The following IP6K3 variants were observed in gnomAD, a reference collection of about 807,000 sequenced individuals.
IP6K3 encodes the protein inositol hexakisphosphate kinase 3.
A neutral mutation model predicts 28.8 loss-of-function variants in IP6K3; 20 were observed. The ratio of observed to expected loss-of-function variants is 0.70; its 90% CI spans 0.49 to 1.01. The LOEUF is 1.01. IP6K3 is among the 50% of genes least tolerant of loss of function. The probability of loss-of-function intolerance (pLI) is 0.00; values close to 1 mark genes in which losing one functional copy is unlikely to be tolerated. For synonymous variants in IP6K3, 213 were observed against 221.3 expected (o/e 0.96, Z 0.33); for missense variants, 480 against 537.1 (o/e 0.89, Z 1.05).
At chr6:33,724,741 AG>A (rs1444895005) in intron 5 of IP6K3, among the ~76,000 whole-genome samples, 3 of 152,174 alleles carry the variant, frequency 2.0e-5, no homozygotes, top group Non-Finnish European at 4.4e-5. Flanking sequence ...CAAGAGAAGG[AG>A]GACTCAGGAA....
rs375397487 is a variant in IP6K3 at position 33,725,533 on chromosome 6, C to T, written c.673G>A (p.Asp225Asn). The stretch of plus-strand genomic sequence containing the variant: ...GCCTTCTTCTCCTCCGATGCATCAT[C>T]GCCGTGCTGCCGGGTCCCCATCTTC... ...DLKMGTRQHG[D>N]DASEEKKARH... The change falls in exon 5 of 6, where the codon GAT (aspartate) becomes AAT (asparagine). Residue 225 changes from aspartate to asparagine, a missense_variant. Asp to Asn is a conservative substitution (Grantham distance 23). Transcript: ENST00000293756. 1.2e-4 allele frequency: 201 copies of T among 1,614,066 alleles called. No individual in the cohort carries two copies. The highest frequency in any genetic ancestry group is 1.6e-4 in the Non-Finnish European group (188 of 1,180,040).
rs16869456 is a variant in IP6K3 at position 33,746,845 on chromosome 6, G to A, written c.-267C>T. The stretch of plus-strand genomic sequence containing the variant: ...AGTGCCCACCATGTACAGGCATCAG[G>A]CAATGGCCCGTCCCAGCGTGGAGCA... On this transcript the variant is annotated 5_prime_UTR_variant, in exon 1 of 6. Transcript: ENST00000293756. This position sits in a 1 kb window ranked among gnomAD's most constrained non-coding sequence, Gnocchi z 6.5. 16,424 of 152,362 alleles carry A rather than the reference G, an allele frequency of 0.11. 1,130 individuals carry two copies. Among genetic ancestry groups the A allele is most frequent in the African/African-American group, 0.19 (8,005 of 41,518 alleles). 9.4% of individuals were successfully genotyped at this position (152,362 alleles called of 1,614,324 possible). A position where few individuals can be genotyped will look rare whatever the true frequency, so the allele number is the denominator to read the frequency against.
rs1389556705 is a variant in IP6K3, at chr6:33,744,876, G to A, written c.-180+1882C>T. 3.3e-5 allele frequency among the ~76,000 whole-genome samples: 5 copies of A among 151,866 alleles called. No homozygotes were observed. The highest frequency in any genetic ancestry group is 2.6e-4 in the Admixed American group (4 of 15,276). On this transcript the variant is annotated intron_variant, in intron 1 of 5. Coordinates refer to ENST00000293756, the MANE Select transcript of IP6K3 (RefSeq NM_054111.5). The surrounding 1 kb of genome is among the most constrained non-coding windows in gnomAD (Gnocchi z 4.4). Reference sequence around the variant, plus strand: ...ACCAGGGTCAGGGGCTGAAGGGGAGGGGGTGGGAATGGGCTGGGGGTGGTG... The same window carrying A: ...ACCAGGGTCAGGGGCTGAAGGGGAGAGGGTGGGAATGGGCTGGGGGTGGTG...
upstream of IP6K3, among the ~76,000 whole-genome samples, chr6:33,748,624 A>G (rs746490972): frequency 5.8e-5 from 8 of 138,330 alleles, no homozygotes; most frequent in African/African-American, 7.9e-5. Context: ...GCTGGGCGAC[A>G]CAGAGAGACC....
Position 33,722,786 on chromosome 6 carries a change from G to GTC in IP6K3, c.1165_1166dup (p.Asp389GlufsTer36), listed in dbSNP as rs1189994229. The GTC allele has an allele frequency of 6.2e-7, 1 of 1,613,962 alleles. No individual in the cohort carries two copies. The highest frequency in any genetic ancestry group is 1.7e-5 in the Admixed American group (1 of 59,984). On this transcript the variant is annotated frameshift_variant, in exon 6 of 6. Coordinates refer to ENST00000293756, the MANE Select transcript of IP6K3 (RefSeq NM_054111.5). LOFTEE classifies it high-confidence loss of function. ...TTTCCAGGCCAAAAATATAGCCAGGGTCTGGTCCATCGTAGGTGGTGTGCT... is the reference window on the plus strand; with the variant it reads ...TTTCCAGGCCAAAAATATAGCCAGGGTCTCTGGTCCATCGTAGGTGGTGTGCT...
Position 33,722,732 on chromosome 6 carries a change from T to C in IP6K3, c.1221A>G (p.Gln407=). The C allele has an allele frequency of 1.2e-6, 2 of 1,606,062 alleles. No homozygotes were observed. The highest frequency in any genetic ancestry group is 8.5e-7 in the Non-Finnish European group (1 of 1,175,052). Residue 407 remains glutamine, a synonymous_variant, in exon 6 of 6, where the codon CAA becomes CAG. Coordinates refer to ENST00000293756, the MANE Select transcript of IP6K3 (RefSeq NM_054111.5). Reference sequence around the variant, plus strand: ...AGCCCAGGAAGTTTCATTCTCCCTCTTGGATATCCTGCAGGATCCTGATGA... The same window carrying C: ...AGCCCAGGAAGTTTCATTCTCCCTCCTGGATATCCTGCAGGATCCTGATGA... ...ENLIRILQDI[Q]EGE
At chr6:33,760,817 C>T in the IP6K3 span, among the ~76,000 whole-genome samples, 3 of 152,092 alleles carry the variant, frequency 2.0e-5, no homozygotes, top group African/African-American at 4.8e-5. Context: ...TGAGCCATCG[C>T]GCCTGGGCCC....
At chr6:33,735,988 C>A (rs930086258) in intron 1 of IP6K3, among the ~76,000 whole-genome samples, 2 of 151,992 alleles carry the variant, frequency 1.3e-5, no homozygotes, top group East Asian at 3.9e-4. Context: ...CCACCTCAGC[C>A]TCCAAGTAGC....
At chr6:33,730,848 T>C (rs780842568) in intron 2 of IP6K3, among the ~76,000 whole-genome samples, 1 of 152,194 alleles carries the variant, frequency 6.6e-6, no homozygotes, top group Non-Finnish European at 1.5e-5. Context: ...TCACGCTGTT[T>C]ACCCCAAGTT....
upstream of IP6K3, among the ~76,000 whole-genome samples, chr6:33,747,554 C>T (rs567589819): frequency 2.8e-4 from 43 of 152,128 alleles, no homozygotes; most frequent in African/African-American, 8.7e-4. The surrounding 1 kb of genome is among the most constrained non-coding windows in gnomAD (Gnocchi z 5.2). Context: ...AGGAGCTGAC[C>T]GGCTGAGAGC....
chr6:33,745,899 T>A (rs1319419318), intron 1 of IP6K3, among the ~76,000 whole-genome samples: 3 of 152,194 alleles, frequency 2.0e-5, no homozygotes, highest in African/African-American at 7.2e-5. Context: ...TGTACAAGTG[T>A]GCATGAGATC....
Position 33,735,276 on chromosome 6 carries a change from A to G in IP6K3, c.199+2T>C, listed in dbSNP as rs1561906217. On this transcript the variant is annotated splice_donor_variant, in intron 2 of 5. Transcript: ENST00000293756. LOFTEE classifies it high-confidence loss of function. Reference sequence around the variant, plus strand: ...ACGTGGCCTGGCTGCCTAGACACTCACCTTTGTACTGTGGGGTGAACCGCT... The same window carrying G: ...ACGTGGCCTGGCTGCCTAGACACTCGCCTTTGTACTGTGGGGTGAACCGCT... 6.2e-7 allele frequency: 1 copy of G among 1,612,042 alleles called. No homozygotes were observed. Among genetic ancestry groups the G allele is most frequent in the Non-Finnish European group, 8.5e-7 (1 of 1,179,508 alleles).
Position 33,722,901 on chromosome 6 carries a change from G to C in IP6K3, c.1052C>G (p.Ala351Gly). Residue 351 changes from alanine to glycine, a missense_variant, in exon 6 of 6, where the codon GCA becomes GGA. Transcript: ENST00000293756. ...ACCACCGGGAGAGCTACCGTGGGCT[G>C]CCTGGGGAGCCTCGTGAGGATGCGG... ...GSPHPHEAPQ[A>G]AHGSSPGGLT... The C allele has an allele frequency of 6.2e-7, 1 of 1,614,096 alleles. No individual in the cohort carries two copies. The highest frequency in any genetic ancestry group is 8.5e-7 in the Non-Finnish European group (1 of 1,179,996).
chr6:33,751,483 C>CGTGTGTGTGTGTGTGTGTGTGTGTGT (rs762389623), upstream of IP6K3, among the ~76,000 whole-genome samples: 8 of 61,524 alleles, frequency 1.3e-4, no homozygotes, highest in African/African-American at 3.3e-4. The surrounding 1 kb of genome is among the most constrained non-coding windows in gnomAD (Gnocchi z 4.3). Flanking sequence ...CTCTGCAGGC[C>CGTGTGTGTGTGTGTGTGTGTGTGTGT]GTGTGTGTGT....
chr6:33,722,662 CA>C lies in IP6K3; in HGVS notation c.*57del, dbSNP rs762501236. ...GGGGTGTCTGGACTACCCTAGCAAC[CA>C]ACAGGTCTCTATTTGAGATCTATAG... On this transcript the variant is annotated 3_prime_UTR_variant, in exon 6 of 6. Coordinates refer to ENST00000293756, the MANE Select transcript of IP6K3 (RefSeq NM_054111.5). The C allele has an allele frequency of 7.7e-4, 957 of 1,240,338 alleles. 1 individual carries two copies. Among genetic ancestry groups the C allele is most frequent in the Non-Finnish European group, 9.3e-4 (807 of 871,396 alleles). 76.8% of individuals were successfully genotyped at this position (1,240,338 alleles called of 1,614,324 possible). A position where few individuals can be genotyped will look rare whatever the true frequency, so the allele number is the denominator to read the frequency against.
chr6:33,735,678 G>A (rs142006191), intron 1 of IP6K3, 23 bp from the exon 2 acceptor site: 5 of 1,340,106 alleles, frequency 3.7e-6, no homozygotes, highest in Non-Finnish European at 4.9e-6. Context: ...GGAGGAAGGA[G>A]GAAGTTATAT....
upstream of IP6K3, among the ~76,000 whole-genome samples, chr6:33,751,701 A>G (rs1156679424): frequency 1.3e-5 from 2 of 152,134 alleles, no homozygotes; most frequent in Admixed American, 1.3e-4. The surrounding 1 kb of genome is among the most constrained non-coding windows in gnomAD (Gnocchi z 4.3). Flanking sequence ...TTCACAGCAG[A>G]GGAAACAGAG....
At chr6:33,743,769 G>T (rs777652758) in intron 1 of IP6K3, among the ~76,000 whole-genome samples, 1 of 152,086 alleles carries the variant, frequency 6.6e-6, no homozygotes, top group Admixed American at 6.5e-5. Context: ...CCTGGAGAAG[G>T]CTTGGTTTCT....
intron 1 of IP6K3, among the ~76,000 whole-genome samples, chr6:33,743,816 A>G (rs1766812466): frequency 6.6e-6 from 1 of 151,948 alleles, no homozygotes; most frequent in Non-Finnish European, 1.5e-5. Flanking sequence ...CCTCAGTCAT[A>G]GAAACTTATT....
Sources: gnomAD v4.1 joint callset for allele counts (sites outside exome capture counted in the v4.1 genomes callset) on GRCh38, gnomAD v4.1.1 for gene constraint, Gnocchi (gnomAD v3.1) non-coding constraint, MANE v1.5 for transcripts, NCBI Gene and HGNC (gene_info 2026-07-23, HGNC 2026-07-21) for gene names.